Variants in LHFPL3 observed in about 807,000 individuals in gnomAD.
The protein encoded by LHFPL3 is LHFPL tetraspan subfamily member 3 protein.
LHFPL3 carries 5 observed loss-of-function variants against 19.3 expected under a neutral mutation model. The ratio of observed to expected loss-of-function variants is 0.26; its 90% CI spans 0.14 to 0.54. The LOEUF (loss-of-function observed/expected upper bound fraction) is 0.54. Among genes scored for constraint, LHFPL3 ranks in the 20% least tolerant of loss-of-function variants. LHFPL3 has a pLI of 0.94. For synonymous variants in LHFPL3, 133 were observed against 126.2 expected (o/e 1.05, Z -0.36); for missense variants, 249 against 307.4 (o/e 0.81, Z 1.42).
At chr7:104,720,521 A>G (rs11978683) in intron 1 of LHFPL3, among the ~76,000 whole-genome samples, 28,794 of 152,190 alleles carry the variant, frequency 0.19, 2,839 homozygotes, top group African/African-American at 0.22. Context: ...CAATGGCAAC[A>G]AAAACCGAAA....
chr7:104,689,902 C>T (rs897455264), intron 1 of LHFPL3, among the ~76,000 whole-genome samples: 1 of 152,188 alleles, frequency 6.6e-6, no homozygotes, highest in African/African-American at 2.4e-5. Flanking sequence ...TTGGCACAGG[C>T]ATACTTAGCA....
chr7:104,608,374 T>C (rs1273709014), intron 1 of LHFPL3, among the ~76,000 whole-genome samples: 3 of 151,456 alleles, frequency 2.0e-5, no homozygotes, highest in Non-Finnish European at 4.4e-5. Context: ...GAAATCATCA[T>C]TCTCAGCAAA....
chr7:104,529,576 C>G (rs561561266), intron 1 of LHFPL3, among the ~76,000 whole-genome samples: 1 of 152,184 alleles, frequency 6.6e-6, no homozygotes, highest in Admixed American at 6.5e-5. Flanking sequence ...GCCATAACAC[C>G]TGCTTCAGTG....
chr7:104,694,521 T>C (rs1424150299), intron 1 of LHFPL3, among the ~76,000 whole-genome samples: 2 of 152,232 alleles, frequency 1.3e-5, no homozygotes, highest in East Asian at 1.9e-4. Context: ...AAAACCTTTT[T>C]TTTATTCTTT....
intron 2 of LHFPL3, among the ~76,000 whole-genome samples, chr7:104,842,986 A>G (rs988603575): frequency 1.3e-5 from 2 of 152,198 alleles, no homozygotes; most frequent in African/African-American, 4.8e-5. Flanking sequence ...TGAGCACTAT[A>G]ATCTGTGTCC....
At chr7:104,822,005 T>G (rs750282054) in intron 2 of LHFPL3, among the ~76,000 whole-genome samples, 1 of 152,080 alleles carries the variant, frequency 6.6e-6, no homozygotes, top group Non-Finnish European at 1.5e-5. Context: ...TACTAAAGCA[T>G]GAGGAGCTTG....
At chr7:104,404,529 T>C (rs1396614244) in intron 1 of LHFPL3, among the ~76,000 whole-genome samples, 1 of 152,198 alleles carries the variant, frequency 6.6e-6, no homozygotes, top group Non-Finnish European at 1.5e-5. Flanking sequence ...AAAGTCTGGC[T>C]TGAGAACCAA....
chr7:104,432,458 T>C, intron 1 of LHFPL3, among the ~76,000 whole-genome samples: 1 of 152,170 alleles, frequency 6.6e-6, no homozygotes, highest in East Asian at 1.9e-4. Flanking sequence ...ATTCTTCCTC[T>C]TCGGGCCATT....
chr7:104,566,125 C>G (rs1009914627), intron 1 of LHFPL3, among the ~76,000 whole-genome samples: 1 of 151,982 alleles, frequency 6.6e-6, no homozygotes, highest in African/African-American at 2.4e-5. Flanking sequence ...GGGTGGGAGG[C>G]TTTTGGGCCC....
chr7:104,440,230 G>T (rs1249118182), intron 1 of LHFPL3, among the ~76,000 whole-genome samples: 1 of 151,792 alleles, frequency 6.6e-6, no homozygotes, highest in East Asian at 1.9e-4. Context: ...ATACTCTGCA[G>T]CCATAAAAAA....
At chr7:104,756,607 C>G (rs1282752013) in intron 2 of LHFPL3, among the ~76,000 whole-genome samples, 1 of 152,176 alleles carries the variant, frequency 6.6e-6, no homozygotes, top group Non-Finnish European at 1.5e-5. Context: ...TCAAGTGATT[C>G]TCGTACCTCA....
intron 1 of LHFPL3, among the ~76,000 whole-genome samples, chr7:104,352,412 A>G (rs965521062): frequency 2.6e-5 from 4 of 152,138 alleles, no homozygotes; most frequent in Non-Finnish European, 1.5e-5. Flanking sequence ...AGCTATTTTC[A>G]TTATTATTCT....
intron 2 of LHFPL3, among the ~76,000 whole-genome samples, chr7:104,875,054 C>T (rs1791911146): frequency 6.6e-6 from 1 of 150,944 alleles, no homozygotes; most frequent in Non-Finnish European, 1.5e-5. Flanking sequence ...CACTATTTTG[C>T]CCAGGCTGGT....
At chr7:104,461,738 T>C (rs964260099) in intron 1 of LHFPL3, among the ~76,000 whole-genome samples, 4 of 152,166 alleles carry the variant, frequency 2.6e-5, no homozygotes, top group African/African-American at 9.7e-5. Flanking sequence ...TTTGGGCTCT[T>C]TTTTTGGTTC....
chr7:104,577,300 G>A (rs184894156), intron 1 of LHFPL3, among the ~76,000 whole-genome samples: 7 of 152,244 alleles, frequency 4.6e-5, no homozygotes, highest in Admixed American at 2.0e-4. Flanking sequence ...AGGGGCGTGT[G>A]GAGAAGCAGG....
At chr7:104,766,813 ATTCTC>A (rs1009865669) in intron 2 of LHFPL3, among the ~76,000 whole-genome samples, 44 of 152,242 alleles carry the variant, frequency 2.9e-4, no homozygotes, top group African/African-American at 1.0e-3. Flanking sequence ...GTAATTTCCT[ATTCTC>A]TTAAGTTTTT....
intron 1 of LHFPL3, among the ~76,000 whole-genome samples, chr7:104,495,577 G>T (rs1364195939): frequency 2.0e-5 from 3 of 152,104 alleles, no homozygotes; most frequent in Non-Finnish European, 4.4e-5. Context: ...TAGAGATGGG[G>T]TTTCACCATG....
At chr7:104,408,550 T>C (rs1405144873) in intron 1 of LHFPL3, among the ~76,000 whole-genome samples, 1 of 152,178 alleles carries the variant, frequency 6.6e-6, no homozygotes, top group Non-Finnish European at 1.5e-5. Context: ...TTCATGCAAA[T>C]TGAGCAGATC....
At chr7:104,514,845 TA>T (rs775575277) in intron 1 of LHFPL3, among the ~76,000 whole-genome samples, 3 of 152,190 alleles carry the variant, frequency 2.0e-5, no homozygotes, top group Non-Finnish European at 2.9e-5. Flanking sequence ...AGACTGAGCT[TA>T]ATGATATCTA....
Sources: gnomAD v4.1 joint callset for allele counts (sites outside exome capture counted in the v4.1 genomes callset) on GRCh38, gnomAD v4.1.1 for gene constraint, MANE v1.5 for transcripts, NCBI Gene and HGNC (gene_info 2026-07-23, HGNC 2026-07-21) for gene names.